The following CAMK1D variants were observed in gnomAD, a reference collection of about 807,000 sequenced individuals.
CAMK1D encodes the protein calcium/calmodulin dependent protein kinase ID, also known as calcium/calmodulin-dependent protein kinase type 1D.
Under a neutral mutation model 47.7 loss-of-function variants are expected in CAMK1D, and 9 were observed. The ratio of observed to expected loss-of-function variants is 0.19; its 90% CI spans 0.11 to 0.33. The LOEUF (loss-of-function observed/expected upper bound fraction) is 0.33. Ranked by LOEUF, CAMK1D falls within the 10% of genes least tolerant of loss-of-function variation. The pLI is 1.00. For missense variants in CAMK1D, 291 were observed against 488.7 expected (o/e 0.60, Z 3.81); for synonymous variants, 184 against 184.9 (o/e 0.99, Z 0.04).
chr10:12,514,731 G>A (rs926964726), intron 1 of CAMK1D, among the ~76,000 whole-genome samples: 1 of 152,238 alleles, frequency 6.6e-6, no homozygotes, highest in African/African-American at 2.4e-5. Context: ...CTTGAAAGAA[G>A]AAATGATATT....
rs151184594 is a variant in CAMK1D at position 12,664,335 on chromosome 10, T to C, written c.225-2401T>C. Among the ~76,000 whole-genome samples, 651 of 152,322 alleles carry C rather than the reference T, an allele frequency of 4.3e-3. 4 individuals carry two copies. The highest frequency in any genetic ancestry group is 0.015 in the African/African-American group (619 of 41,564). ...GTCTTTCCAGCCACTGTGAAACTGCTATTTGGGATTGTCCTTGCTGTGTGC... is the reference window on the plus strand; with the variant it reads ...GTCTTTCCAGCCACTGTGAAACTGCCATTTGGGATTGTCCTTGCTGTGTGC... On this transcript the variant is annotated intron_variant, in intron 2 of 10. Transcript: ENST00000619168.
chr10:12,447,147 T>C (rs1478038955), intron 1 of CAMK1D, among the ~76,000 whole-genome samples: 4 of 152,212 alleles, frequency 2.6e-5, no homozygotes, highest in Non-Finnish European at 5.9e-5. Flanking sequence ...GAATGGTCTG[T>C]ATCTCGTGTT....
At chr10:12,381,401 T>C (rs1838340996) in intron 1 of CAMK1D, among the ~76,000 whole-genome samples, 1 of 151,292 alleles carries the variant, frequency 6.6e-6, no homozygotes, top group African/African-American at 2.4e-5. Flanking sequence ...GAGTGCACGA[T>C]CTTGGTTCAC....
At chr10:12,513,254 A>C (rs1362361776) in intron 1 of CAMK1D, among the ~76,000 whole-genome samples, 1 of 152,170 alleles carries the variant, frequency 6.6e-6, no homozygotes, top group Non-Finnish European at 1.5e-5. Context: ...GCCACCCTGG[A>C]CGCGGGCAGC....
chr10:12,392,939 C>A (rs911694679), intron 1 of CAMK1D, among the ~76,000 whole-genome samples: 2 of 144,322 alleles, frequency 1.4e-5, no homozygotes, highest in African/African-American at 5.2e-5. Flanking sequence ...TACACACACA[C>A]AACACACACA....
intron 6 of CAMK1D, among the ~76,000 whole-genome samples, chr10:12,801,362 C>CTATCTATCTATCT (rs1838462152): frequency 9.7e-6 from 1 of 102,588 alleles, no homozygotes; most frequent in Admixed American, 9.7e-5. Flanking sequence ...TCTTATCTAT[C>CTATCTATCTATCT]TATCTATCTA....
intron 1 of CAMK1D, among the ~76,000 whole-genome samples, chr10:12,523,590 C>T (rs183780032): frequency 7.2e-5 from 11 of 152,302 alleles, no homozygotes; most frequent in South Asian, 4.2e-4. Context: ...CAAAAAAATA[C>T]GAAAACCAGT....
At chr10:12,411,123 A>G (rs1839641738) in intron 1 of CAMK1D, among the ~76,000 whole-genome samples, 1 of 152,102 alleles carries the variant, frequency 6.6e-6, no homozygotes, top group Admixed American at 6.5e-5. Context: ...CAACTCACCA[A>G]ACATTGGCTC....
intron 1 of CAMK1D, among the ~76,000 whole-genome samples, chr10:12,388,102 G>A (rs1357106875): frequency 2.0e-5 from 3 of 152,078 alleles, no homozygotes; most frequent in East Asian, 3.9e-4. Flanking sequence ...TTCTGGGATC[G>A]TCTCCAGAAA....
rs76302426 is a variant in CAMK1D at position 12,739,905 on chromosome 10, A to T, written c.300-21043A>T. Among the ~76,000 whole-genome samples, 807 of 152,280 alleles carry T rather than the reference A, an allele frequency of 5.3e-3. 11 individuals carry two copies. Among genetic ancestry groups the T allele is most frequent in the African/African-American group, 0.018 (753 of 41,542 alleles). On this transcript the variant is annotated intron_variant, in intron 3 of 10. Coordinates refer to ENST00000619168, the MANE Select transcript of CAMK1D (RefSeq NM_153498.4). ...AGACCAACAATAGCTTTCCTGTGAG[A>T]AGAAAGTGGAATTTGTACAGTTGCA...
intron 1 of CAMK1D, among the ~76,000 whole-genome samples, chr10:12,387,397 T>TATTTTATATATTTTATATATTTTATATA (rs199871181): frequency 1.2e-5 from 1 of 83,754 alleles, no homozygotes; most frequent in African/African-American, 4.5e-5. Flanking sequence ...ATATTATATA[T>TATTTTATATATTTTATATATTTTATATA]TTTTATATAT....
At chr10:12,380,011 G>A (rs1838295273) in intron 1 of CAMK1D, among the ~76,000 whole-genome samples, 1 of 151,726 alleles carries the variant, frequency 6.6e-6, no homozygotes, top group South Asian at 2.1e-4. Context: ...TCAGGAGATC[G>A]AGACCATCCT....
intron 1 of CAMK1D, among the ~76,000 whole-genome samples, chr10:12,362,811 A>AT (rs1394655037): frequency 1.4e-5 from 2 of 144,736 alleles, no homozygotes; most frequent in African/African-American, 5.1e-5. Context: ...CGCTGGGCTG[A>AT]TTTTTTGTAT....
At chr10:12,798,968 CA>C (rs1838309319) in intron 6 of CAMK1D, among the ~76,000 whole-genome samples, 1 of 152,086 alleles carries the variant, frequency 6.6e-6, no homozygotes, top group African/African-American at 2.4e-5. Context: ...GGAACATGCA[CA>C]GGGGGAAAAT....
At chr10:12,675,487 C>T (rs1372626934) in intron 3 of CAMK1D, among the ~76,000 whole-genome samples, 1 of 152,174 alleles carries the variant, frequency 6.6e-6, no homozygotes, top group Non-Finnish European at 1.5e-5. Flanking sequence ...TGGAGTCATC[C>T]TTGACTTATC....
In CAMK1D at chr10:12,614,011, C is replaced by T. The variant is rs556625926; in HGVS notation, c.225-52725C>T. ...CCATCACACAATCCTTATTAACTTACAGCTGCCCCATACTCTGCTTTTCTC... is the reference window on the plus strand; with the variant it reads ...CCATCACACAATCCTTATTAACTTATAGCTGCCCCATACTCTGCTTTTCTC... On this transcript the variant is annotated intron_variant, in intron 2 of 10. Coordinates refer to ENST00000619168, the MANE Select transcript of CAMK1D (RefSeq NM_153498.4). Among the ~76,000 whole-genome samples the T allele has an allele frequency of 1.4e-4, 22 of 152,272 alleles. No individual in the cohort carries two copies. In the South Asian group the frequency reaches 2.5e-3, roughly 17 times the overall value.
chr10:12,561,705 T>G (rs1005288550), intron 2 of CAMK1D, among the ~76,000 whole-genome samples: 1 of 152,228 alleles, frequency 6.6e-6, no homozygotes, highest in African/African-American at 2.4e-5. Flanking sequence ...AGTGCAACTT[T>G]CTAGACAAGA....
intron 2 of CAMK1D, among the ~76,000 whole-genome samples, chr10:12,661,326 A>G (rs1383722227): frequency 6.6e-6 from 1 of 152,248 alleles, no homozygotes. Context: ...TAGTTAAGTT[A>G]TAGCGTAATT....
intron 1 of CAMK1D, among the ~76,000 whole-genome samples, chr10:12,408,719 T>C (rs1839539633): frequency 6.6e-6 from 1 of 152,202 alleles, no homozygotes; most frequent in Non-Finnish European, 1.5e-5. Context: ...CTTTCTCCTC[T>C]TGGATGCTGC....
Sources: gnomAD v4.1 joint callset for allele counts (sites outside exome capture counted in the v4.1 genomes callset) on GRCh38, gnomAD v4.1.1 for gene constraint, MANE v1.5 for transcripts, NCBI Gene and HGNC (gene_info 2026-07-23, HGNC 2026-07-21) for gene names.